The following NLRP4 variants were observed in gnomAD, a reference collection of about 807,000 sequenced individuals.
NLRP4 encodes NLR family pyrin domain containing 4.
NLRP4 carries 44 observed loss-of-function variants against 84.7 expected under a neutral mutation model. The observed-to-expected ratio is 0.52, with a 90% CI of 0.41 to 0.67. The LOEUF is 0.67. NLRP4 is among the 30% of genes least tolerant of loss of function. The pLI is 0.00. For missense variants in NLRP4, 1,260 were observed against 1,219.4 expected (o/e 1.03, Z -0.50); for synonymous variants, 544 against 476.4 (o/e 1.14, Z -1.85).
chr19:55,861,620 C>A, intron 4 of NLRP4, 73 bp downstream of exon 4: 2 of 1,384,202 alleles, frequency 1.4e-6, no homozygotes, highest in South Asian at 1.3e-5. Flanking sequence ...AGCTTTCAGT[C>A]GAGGCTAACT....
chr19:55,851,788 C>A (rs1417979917), intron 1 of NLRP4, among the ~76,000 whole-genome samples: 3 of 152,124 alleles, frequency 2.0e-5, no homozygotes, highest in Non-Finnish European at 4.4e-5. Context: ...GATATTGAGG[C>A]TATGTCAGGT....
At chr19:55,849,871 T>A (rs74182577) in intron 1 of NLRP4, among the ~76,000 whole-genome samples, 2,286 of 84,094 alleles carry the variant, frequency 0.027, 173 homozygotes, top group African/African-American at 0.087. Flanking sequence ...GTAATTTCCG[T>A]GGCCGCGGTG....
chr19:55,859,814 C>G (rs1984653296), intron 3 of NLRP4, among the ~76,000 whole-genome samples: 1 of 148,966 alleles, frequency 6.7e-6, no homozygotes, highest in South Asian at 2.2e-4. Context: ...GTAATCCCAG[C>G]TACTTGGGAG....
rs373812362 is a variant in NLRP4 at position 55,881,635 on chromosome 19, C to A, written c.*48C>A. On this transcript the variant is annotated 3_prime_UTR_variant, in exon 10 of 10. Coordinates refer to ENST00000301295, the MANE Select transcript of NLRP4 (RefSeq NM_134444.5). ...CTCGAACACCTGCAAAGGACAGGGA[C>A]TGGGACCGTTACTTACATGACACTG... 3.6e-5 allele frequency: 32 copies of A among 887,912 alleles called. No individual in the cohort carries two copies. Among genetic ancestry groups the A allele is most frequent in the Non-Finnish European group, 5.6e-5 (30 of 535,942 alleles). The allele number at this position is 887,912 out of a possible 1,614,324, so 55.0% of individuals were successfully genotyped here. A position where few individuals can be genotyped will look rare whatever the true frequency, so the allele number is the denominator to read the frequency against.
chr19:55,848,690 C>G (rs1983896773), intron 1 of NLRP4, among the ~76,000 whole-genome samples: 1 of 152,184 alleles, frequency 6.6e-6, no homozygotes, highest in Non-Finnish European at 1.5e-5. Context: ...GCGTGAGCCA[C>G]CATGCCCGGC....
chr19:55,869,589 CAG>C (rs2123055334), intron 6 of NLRP4, among the ~76,000 whole-genome samples: 1 of 152,170 alleles, frequency 6.6e-6, no homozygotes, highest in Non-Finnish European at 1.5e-5. Context: ...CAGTTTTCAA[CAG>C]AGGTTGAAAT....
chr19:55,861,662 T>G, intron 4 of NLRP4, 115 bp downstream of exon 4: 1 of 968,068 alleles, frequency 1.0e-6, no homozygotes. Context: ...CCAGAGCAGT[T>G]GCTCAACCTC....
intron 2 of NLRP4, among the ~76,000 whole-genome samples, chr19:55,854,449 T>C (rs548935951): frequency 8.0e-4 from 122 of 152,336 alleles, no homozygotes; most frequent in Non-Finnish European, 1.4e-3. Context: ...TTTTTCTCTT[T>C]ATCTGGTCAT....
In NLRP4 at chr19:55,862,029, C is replaced by T. The variant is rs1176663968; in HGVS notation, c.2056C>T (p.Leu686Phe). Residue 686 changes from leucine to phenylalanine, a missense_variant, in exon 5 of 10, where the codon CTC becomes TTC. Around this residue, in one of 3 missense-constraint regions of NLRP4, gnomAD observed 544 missense variants for 531.7 expected, o/e 1.02. Coordinates refer to ENST00000301295, the MANE Select transcript of NLRP4 (RefSeq NM_134444.5). ...NVSFSGQSVL[L>F]FEVLFYQPDL... The stretch of plus-strand genomic sequence containing the variant: ...TTCCTTTTCTGGCCAGAGTGTTCTG[C>T]TCTTTGAGGTGCTCTTTTATCAGCC... The T allele has an allele frequency of 6.8e-6, 11 of 1,613,814 alleles. No homozygotes were observed. Among genetic ancestry groups the T allele is most frequent in the East Asian group, 6.7e-5 (3 of 44,886 alleles).
intron 1 of NLRP4, among the ~76,000 whole-genome samples, chr19:55,841,456 T>C (rs760527249): frequency 1.3e-5 from 2 of 152,230 alleles, no homozygotes; most frequent in Non-Finnish European, 2.9e-5. Context: ...AATGGCAAGA[T>C]TTCATTATTT....
rs144680595 is a variant in NLRP4, at chr19:55,858,767, C to T, written c.1374C>T (p.Phe458=). ...TCCTCCACGTGTGTATCCAGGAGTT[C>T]TGTGCCGCCTTGTTCTATTTGCTCA... ...YVFLHVCIQE[F]CAALFYLLKS... The change falls in exon 3 of 10, where the codon TTC becomes TTT. Residue 458 remains phenylalanine (F), a synonymous_variant. Coordinates refer to ENST00000301295, the MANE Select transcript of NLRP4 (RefSeq NM_134444.5). This position sits in a 1 kb window ranked among gnomAD's most constrained non-coding sequence, Gnocchi z 4.2. 2 of 1,614,080 alleles carry T rather than the reference C, an allele frequency of 1.2e-6. No individual in the cohort carries two copies. Among genetic ancestry groups the T allele is most frequent in the Non-Finnish European group, 1.7e-6 (2 of 1,180,054 alleles).
At chr19:55,853,951 C>T (rs11084411) in intron 2 of NLRP4, among the ~76,000 whole-genome samples, 3,811 of 150,252 alleles carry the variant, frequency 0.025, 86 homozygotes, top group East Asian at 0.089. Flanking sequence ...TTCTGTCTTT[C>T]TCTCTATTTC....
In NLRP4 at chr19:55,858,275, A is replaced by C. The variant is rs201335042; in HGVS notation, c.882A>C (p.Ser294=). 6.2e-7 allele frequency: 1 copy of C among 1,614,208 alleles called. No individual in the cohort carries two copies. Among genetic ancestry groups the C allele is most frequent in the Non-Finnish European group, 8.5e-7 (1 of 1,180,034 alleles). Residue 294 remains serine, a synonymous_variant, in exon 3 of 10, where the codon TCA becomes TCC. Coordinates refer to ENST00000301295, the MANE Select transcript of NLRP4 (RefSeq NM_134444.5). This position sits in a 1 kb window ranked among gnomAD's most constrained non-coding sequence, Gnocchi z 4.2. Reference sequence around the variant, plus strand: ...AGCTCCGGGATCAGGTGACGATCTCAGAAATCTACCAGCCCCGGGGATTCA... The same window carrying C: ...AGCTCCGGGATCAGGTGACGATCTCCGAAATCTACCAGCCCCGGGGATTCA... ...PKELRDQVTI[S]EIYQPRGFNE...
intron 2 of NLRP4, among the ~76,000 whole-genome samples, chr19:55,855,670 A>T (rs1220243295): frequency 6.6e-6 from 1 of 152,194 alleles, no homozygotes; most frequent in African/African-American, 2.4e-5. Flanking sequence ...CATAGGGAAA[A>T]TTTCCCATCT....
At position 55,836,558 on chromosome 19, in the gene NLRP4, G is replaced by C. The variant is rs1355706817; in HGVS notation, c.-442G>C. 6.6e-6 allele frequency: 1 copy of C among 152,366 alleles called. No homozygotes were observed. The highest frequency in any genetic ancestry group is 1.5e-5 in the Non-Finnish European group (1 of 68,056). 9.4% of individuals were successfully genotyped at this position (152,366 alleles called of 1,614,324 possible). On this transcript the variant is annotated 5_prime_UTR_variant, in exon 1 of 10. Transcript: ENST00000301295. Reference sequence around the variant, plus strand: ...AATCATTAAGGACCAGGAAGGCGTGGAGCGGTGAGTCAGCGCTTCGTGCTG... The same window carrying C: ...AATCATTAAGGACCAGGAAGGCGTGCAGCGGTGAGTCAGCGCTTCGTGCTG...
chr19:55,862,170 G>A lies in NLRP4; in HGVS notation c.2186+11G>A, dbSNP rs780619197. The A allele has an allele frequency of 1.3e-5, 21 of 1,598,832 alleles. No individual in the cohort carries two copies. The highest frequency in any genetic ancestry group is 1.7e-4 in the Middle Eastern group (1 of 6,000). ...CGTCAAAGAGCTAGCGTAAGTCTCCGTTTATTGAGACCACTGATTGGGTTT... is the reference window on the plus strand; with the variant it reads ...CGTCAAAGAGCTAGCGTAAGTCTCCATTTATTGAGACCACTGATTGGGTTT... On this transcript the variant is annotated intron_variant, in intron 5 of 9. Coordinates refer to ENST00000301295, the MANE Select transcript of NLRP4 (RefSeq NM_134444.5).
In NLRP4 at chr19:55,870,825, A is replaced by G. The variant is rs766324708; in HGVS notation, c.2355-2A>G. 16 of 1,612,182 alleles carry G rather than the reference A, an allele frequency of 9.9e-6. No homozygotes were observed. The highest frequency in any genetic ancestry group is 1.4e-5 in the Non-Finnish European group (16 of 1,178,426). On this transcript the variant is annotated splice_acceptor_variant, in intron 6 of 9. Transcript: ENST00000301295. LOFTEE classifies it high-confidence loss of function. Reference sequence around the variant, plus strand: ...CTCCTTCTCGTGTTTTTGTCCCCATAGGTTGGCTTTCTGCCACCTCAGCGA... The same window carrying G: ...CTCCTTCTCGTGTTTTTGTCCCCATGGGTTGGCTTTCTGCCACCTCAGCGA...
At chr19:55,881,438 TA>T in intron 9 of NLRP4, 31 bp from the exon 10 acceptor site, 1 of 1,127,464 alleles carries the variant, frequency 8.9e-7, no homozygotes, top group Non-Finnish European at 1.3e-6. Flanking sequence ...GTATGTGAAT[TA>T]AAAATAGAAC....
rs1397110494 is a variant in NLRP4 at position 55,866,602 on chromosome 19, A to G, written c.2187-1107A>G. ...GCAACACAAATCAACTCAAGCCACCAAAAAAGGAGTCCTAGGGGACTCGGG... is the reference window on the plus strand; with the variant it reads ...GCAACACAAATCAACTCAAGCCACCGAAAAAGGAGTCCTAGGGGACTCGGG... On this transcript the variant is annotated intron_variant, in intron 5 of 9. Coordinates refer to ENST00000301295, the MANE Select transcript of NLRP4 (RefSeq NM_134444.5). Among the ~76,000 whole-genome samples the G allele has an allele frequency of 2.0e-5, 3 of 152,216 alleles. No individual in the cohort carries two copies. In the East Asian group the frequency reaches 5.8e-4, roughly 29 times the overall value.
Sources: gnomAD v4.1 joint callset for allele counts (sites outside exome capture counted in the v4.1 genomes callset) on GRCh38, gnomAD v4.1.1 for gene constraint, gnomAD v4.1.1 regional missense constraint, Gnocchi (gnomAD v3.1) non-coding constraint, MANE v1.5 for transcripts, NCBI Gene and HGNC (gene_info 2026-07-23, HGNC 2026-07-21) for gene names.